Variants in MRTFA observed in about 807,000 individuals in gnomAD.
MRTFA encodes myocardin related transcription factor A, also known as myocardin-related transcription factor A.
MRTFA carries 20 observed loss-of-function variants against 83.5 expected under a neutral mutation model. The observed-to-expected ratio is 0.24, with a 90% confidence interval of 0.17 to 0.35. MRTFA has a LOEUF of 0.35. Ranked by LOEUF, MRTFA falls within the 10% of genes least tolerant of loss-of-function variation. MRTFA has a pLI of 1.00. For synonymous variants in MRTFA, 659 were observed against 541.2 expected (o/e 1.22, Z -3.02); for missense variants, 1,200 against 1,224.7 (o/e 0.98, Z 0.30).
chr22:40,546,246 A>G (rs1602412670), intron 3 of MRTFA, among the ~76,000 whole-genome samples: 1 of 152,208 alleles, frequency 6.6e-6, no homozygotes, highest in Non-Finnish European at 1.5e-5. Context: ...ACAAATGACC[A>G]TGCAAAAACC....
chr22:40,432,266 C>A (rs376465307), intron 5 of MRTFA, among the ~76,000 whole-genome samples: 23 of 151,828 alleles, frequency 1.5e-4, no homozygotes, highest in South Asian at 4.2e-4. Flanking sequence ...ACAAAAAAAA[C>A]CAAAAACCAA....
intron 3 of MRTFA, among the ~76,000 whole-genome samples, chr22:40,516,937 T>A (rs2054771405): frequency 6.6e-6 from 1 of 152,176 alleles, no homozygotes; most frequent in Admixed American, 6.5e-5. Context: ...TTTTTCCTTT[T>A]TTTGAGACAG....
In MRTFA at chr22:40,417,418, A is replaced by T; in HGVS notation, c.2440T>A (p.Phe814Ile). The change falls in exon 13 of 15, where the codon TTT becomes ATT. Residue 814 changes from phenylalanine to isoleucine, a missense_variant. Physicochemically the swap from Phe to Ile is conservative, Grantham distance 21. Coordinates refer to ENST00000355630, the MANE Select transcript of MRTFA (RefSeq NM_020831.6). The stretch of plus-strand genomic sequence containing the variant: ...TTCAGCAGAGAAGTGGGGGTCCCAA[A>T]GAGGGGCTGCAGTGGGTGCTCCAGG... The T allele has an allele frequency of 6.2e-7, 1 of 1,610,214 alleles. No individual in the cohort carries two copies. Among genetic ancestry groups the T allele is most frequent in the East Asian group, 2.2e-5 (1 of 44,838 alleles).
chr22:40,610,105 G>A (rs1187235464), intron 1 of MRTFA, among the ~76,000 whole-genome samples: 2 of 144,234 alleles, frequency 1.4e-5, no homozygotes, highest in Admixed American at 1.4e-4. Flanking sequence ...GGAGGGCAGT[G>A]GCGTGATCTC....
At position 40,591,216 on chromosome 22, in the gene MRTFA, G is replaced by A. The variant is rs2056116268; in HGVS notation, c.-22+3458C>T. On this transcript the variant is annotated intron_variant, in intron 2 of 14. Transcript: ENST00000355630. ...ATAACGAGCTCTTACTGAGAGGCCT[G>A]AGGCATTATAAAATAACAACTTTCC... Among the ~76,000 whole-genome samples, 4 of 151,014 alleles carry A rather than the reference G, an allele frequency of 2.6e-5. No individual in the cohort carries two copies. In the South Asian group the frequency reaches 8.3e-4, roughly 31 times the overall value.
At chr22:40,535,131 GC>G (rs2055145624) in intron 3 of MRTFA, among the ~76,000 whole-genome samples, 1 of 152,098 alleles carries the variant, frequency 6.6e-6, no homozygotes, top group African/African-American at 2.4e-5. Flanking sequence ...TGGGCTAAAT[GC>G]TGCTCTGGGA....
intron 3 of MRTFA, among the ~76,000 whole-genome samples, chr22:40,467,237 C>T (rs768532640): frequency 2.6e-5 from 4 of 152,088 alleles, no homozygotes; most frequent in Non-Finnish European, 4.4e-5. Context: ...TTGTTTTATG[C>T]ACTGCATAAC....
intron 1 of MRTFA, among the ~76,000 whole-genome samples, chr22:40,594,999 A>G (rs549847357): frequency 2.6e-4 from 39 of 152,106 alleles, no homozygotes; most frequent in African/African-American, 8.7e-4. Context: ...TATTAAAACT[A>G]ATTCTCACAA....
At chr22:40,443,109 G>A (rs964830718) in intron 4 of MRTFA, among the ~76,000 whole-genome samples, 16 of 151,974 alleles carry the variant, frequency 1.1e-4, no homozygotes, top group African/African-American at 3.6e-4. Context: ...AAAATTAGCC[G>A]GGTGTGGTTA....
At chr22:40,543,841 T>G (rs2055325792) in intron 3 of MRTFA, among the ~76,000 whole-genome samples, 1 of 152,170 alleles carries the variant, frequency 6.6e-6, no homozygotes, top group Non-Finnish European at 1.5e-5. Context: ...CCTGAGTAAT[T>G]TTATATGGAA....
intron 3 of MRTFA, among the ~76,000 whole-genome samples, chr22:40,543,304 C>T (rs1430752314): frequency 6.6e-6 from 1 of 152,112 alleles, no homozygotes; most frequent in Non-Finnish European, 1.5e-5. Context: ...TCTTGTGCAA[C>T]ATTGTGGCAT....
intron 4 of MRTFA, among the ~76,000 whole-genome samples, chr22:40,448,545 A>C (rs2053427110): frequency 6.6e-6 from 1 of 152,218 alleles, no homozygotes; most frequent in South Asian, 2.1e-4. Context: ...CAGTGATTTT[A>C]ATCTAGTCTT....
intron 3 of MRTFA, among the ~76,000 whole-genome samples, chr22:40,536,932 G>A (rs1244002211): frequency 1.1e-5 from 1 of 89,140 alleles, no homozygotes; most frequent in Non-Finnish European, 2.4e-5. Flanking sequence ...GAGAAGTGAG[G>A]AGCCTCTCCA....
chr22:40,546,509 A>G (rs1028890946), intron 3 of MRTFA, among the ~76,000 whole-genome samples: 2 of 152,252 alleles, frequency 1.3e-5, no homozygotes, highest in Non-Finnish European at 2.9e-5. Context: ...TAAAGACTAA[A>G]GAGGGCTTAT....
intron 1 of MRTFA, among the ~76,000 whole-genome samples, chr22:40,624,545 T>G (rs1173125901): frequency 2.6e-5 from 4 of 151,770 alleles, no homozygotes; most frequent in Non-Finnish European, 2.9e-5. Flanking sequence ...CACTACTATC[T>G]CTAAACAGTA....
chr22:40,504,443 T>A (rs925393231), intron 3 of MRTFA, among the ~76,000 whole-genome samples: 1 of 152,246 alleles, frequency 6.6e-6, no homozygotes, highest in Non-Finnish European at 1.5e-5. Context: ...AATTAGGCCA[T>A]GGCTGGTTCC....
chr22:40,490,256 G>A (rs2054249536), intron 3 of MRTFA, among the ~76,000 whole-genome samples: 1 of 152,098 alleles, frequency 6.6e-6, no homozygotes, highest in African/African-American at 2.4e-5. Flanking sequence ...CGTTAGTCCA[G>A]AACAGTTCTA....
In MRTFA at chr22:40,418,820, T is replaced by C. The variant is rs1484258151; in HGVS notation, c.1918A>G (p.Met640Val). The change falls in exon 12 of 15, where the codon ATG becomes GTG. Residue 640 changes from methionine to valine, a missense_variant. By Grantham distance (21) the Met-to-Val change is conservative. Transcript: ENST00000355630. ...ACCAGCTGCTGCTTCTGCCGGAGCA[T>C]GCGCGTCAGCGCCTCGATCTGCTTG... The C allele has an allele frequency of 1.9e-6, 3 of 1,610,540 alleles. No homozygotes were observed. Among genetic ancestry groups the C allele is most frequent in the African/African-American group, 1.3e-5 (1 of 75,012 alleles).
chr22:40,631,621 A>T (rs1602517572), intron 1 of MRTFA, among the ~76,000 whole-genome samples: 1 of 149,478 alleles, frequency 6.7e-6, no homozygotes, highest in South Asian at 2.1e-4. Flanking sequence ...TCATCAATAT[A>T]AAAAAAAATG....
Sources: allele counts gnomAD v4.1 joint callset (sites outside exome capture counted in the v4.1 genomes callset), GRCh38; gene constraint gnomAD v4.1.1; transcripts MANE v1.5; gene names NCBI Gene and HGNC (gene_info 2026-07-23, HGNC 2026-07-21).